Variants in SGPL1 observed in about 807,000 individuals in gnomAD.
SGPL1 encodes SP-lyase 1.
A neutral mutation model predicts 68.9 loss-of-function variants in SGPL1; 37 were observed. The observed-to-expected ratio is 0.54, with a 90% CI of 0.41 to 0.71. The LOEUF (loss-of-function observed/expected upper bound fraction) is 0.71, where lower values mean the gene tolerates loss of function less well. Among genes scored for constraint, SGPL1 ranks in the 30% least tolerant of loss-of-function variants. The pLI is 0.00. For synonymous variants in SGPL1, 236 were observed against 248.5 expected, an observed-to-expected ratio of 0.95 and a Z score of 0.47; for missense variants, 551 against 704.6, an observed-to-expected ratio of 0.78 and a Z score of 2.47.
Position 70,847,986 on chromosome 10 carries a change from T to A in SGPL1, c.194-3157T>A, listed in dbSNP as rs114673400. On this transcript the variant is annotated intron_variant, in intron 3 of 14. Transcript: ENST00000373202. ...AAGTGGGCAGCGGCATGAACTGTGC[T>A]GGGGTTAGCAGCCTCTTCCTTAATT... Among the ~76,000 whole-genome samples the A allele has an allele frequency of 5.0e-3, 764 of 152,334 alleles. 5 individuals carry two copies. The highest frequency in any genetic ancestry group is 0.016 in the African/African-American group (685 of 41,576).
chr10:70,871,126 C>G lies in SGPL1; in HGVS notation c.889C>G (p.Pro297Ala). 6.2e-7 allele frequency: 1 copy of G among 1,613,014 alleles called. No individual in the cohort carries two copies. ...ACAGTTTCCTCATGGTGTAATAGATCCTGTCCCTGAAGTGGCCAAGGTATA... is the reference window on the plus strand; with the variant it reads ...ACAGTTTCCTCATGGTGTAATAGATGCTGTCCCTGAAGTGGCCAAGGTATA... Reference protein sequence around the residue: ...TPQFPHGVIDPVPEVAKLAVK... With the variant: ...TPQFPHGVIDAVPEVAKLAVK... The change falls in exon 10 of 15, where the codon CCT becomes GCT. Residue 297 changes from proline (P) to alanine (A), a missense_variant. Pro to Ala is a conservative substitution (Grantham distance 27). Transcript: ENST00000373202.
At chr10:70,820,580 GC>G (rs1845320547) in intron 2 of SGPL1, 1 of 152,116 alleles carries the variant, frequency 6.6e-6, no homozygotes, top group African/African-American at 2.4e-5. Context: ...TTCTAGACCA[GC>G]CTGGTCAACA....
intron 2 of SGPL1, among the ~76,000 whole-genome samples, chr10:70,819,013 A>G (rs1359115815): frequency 6.6e-6 from 1 of 152,194 alleles, no homozygotes; most frequent in East Asian, 1.9e-4. Context: ...AGCAATTGAC[A>G]GTTTCTGTTT....
Position 70,873,521 on chromosome 10 carries a change from CT to C in SGPL1, c.1232del (p.Phe411SerfsTer56). On this transcript the variant is annotated frameshift_variant, in exon 12 of 15. Transcript: ENST00000373202. LOFTEE classifies it high-confidence loss of function. The stretch of plus-strand genomic sequence containing the variant: ...CAGCCTGTTGGGCTGCCTTGATGCA[CT>C]TCGGTGAGAACGGCTATGTTGAAGC... ...SAACWAALMH[F>X]GENGYVEATK... 2.5e-6 allele frequency: 4 copies of C among 1,614,256 alleles called. No individual in the cohort carries two copies. The highest frequency in any genetic ancestry group is 3.4e-6 in the Non-Finnish European group (4 of 1,180,040).
intron 2 of SGPL1, among the ~76,000 whole-genome samples, chr10:70,829,025 C>T (rs1845487685): frequency 6.6e-6 from 1 of 152,168 alleles, no homozygotes; most frequent in Non-Finnish European, 1.5e-5. Flanking sequence ...TGCTCCCTGT[C>T]TGGCTGTGTT....
At chr10:70,844,033 A>G (rs1845755055) in intron 2 of SGPL1, among the ~76,000 whole-genome samples, 1 of 152,192 alleles carries the variant, frequency 6.6e-6, no homozygotes, top group African/African-American at 2.4e-5. Context: ...AAAATATAAA[A>G]TAATTTAGTA....
At chr10:70,871,348 ATAG>A (rs1239049801) in intron 10 of SGPL1, among the ~76,000 whole-genome samples, 4 of 152,224 alleles carry the variant, frequency 2.6e-5, no homozygotes, top group African/African-American at 9.6e-5. Flanking sequence ...GTGGGGGAAG[ATAG>A]TACAAGGCTG....
chr10:70,824,948 A>T (rs1845404718), intron 2 of SGPL1, among the ~76,000 whole-genome samples: 1 of 147,156 alleles, frequency 6.8e-6, no homozygotes, highest in African/African-American at 2.5e-5. Flanking sequence ...CATGTTGGTT[A>T]TTCTGACGTT....
chr10:70,875,513 G>A lies in SGPL1; in HGVS notation c.1410G>A (p.Lys470=). ...IYRLSNLMTA[K]GWNLNQLQFP... is the part of the protein sequence containing the mutation. ...GACTATCAAACCTGATGACTGCTAA[G>A]GGGTGGAACTTGAACCAGTTGCAGT... is the stretch of plus-strand genomic sequence containing the variant. Residue 470 remains lysine, a synonymous_variant, in exon 13 of 15, where the codon AAG becomes AAA. Coordinates refer to ENST00000373202, the MANE Select transcript of SGPL1 (RefSeq NM_003901.4). 6.2e-7 allele frequency: 1 copy of A among 1,613,072 alleles called. No individual in the cohort carries two copies. The highest frequency in any genetic ancestry group is 8.5e-7 in the Non-Finnish European group (1 of 1,179,330).
intron 2 of SGPL1, among the ~76,000 whole-genome samples, chr10:70,843,107 CT>C (rs1416281718): frequency 1.3e-5 from 2 of 152,156 alleles, no homozygotes; most frequent in African/African-American, 4.8e-5. Flanking sequence ...TTCTTTCATC[CT>C]TTTAACCAGC....
At chr10:70,854,609 C>A in intron 4 of SGPL1, 99 bp from the exon 5 acceptor site, 1 of 946,020 alleles carries the variant, frequency 1.1e-6, no homozygotes, top group East Asian at 2.5e-5. Context: ...GTTACTTGTG[C>A]GGTGCCTAGC....
intron 2 of SGPL1, among the ~76,000 whole-genome samples, chr10:70,826,136 G>C (rs959610102): frequency 6.6e-6 from 1 of 152,192 alleles, no homozygotes; most frequent in Non-Finnish European, 1.5e-5. Flanking sequence ...AGTGAGCCAA[G>C]GTCACACTAC....
intron 4 of SGPL1, among the ~76,000 whole-genome samples, 176 bp from the exon 5 acceptor site, chr10:70,854,532 G>T (rs1056241368): frequency 6.6e-6 from 1 of 152,114 alleles, no homozygotes; most frequent in Non-Finnish European, 1.5e-5. Flanking sequence ...AGAGGCTATT[G>T]TACATGCCAG....
chr10:70,877,052 A>T (rs1846402504), intron 14 of SGPL1, 143 bp from the exon 15 acceptor site: 1 of 731,786 alleles, frequency 1.4e-6, no homozygotes, highest in Non-Finnish European at 2.2e-6. Context: ...TTCTGATAGA[A>T]TGATGGGATG....
chr10:70,869,436 T>G (rs2131938215), intron 8 of SGPL1: 1 of 158,454 alleles, frequency 6.3e-6, no homozygotes, highest in South Asian at 1.9e-4. Context: ...TGCCTGTCTT[T>G]GGTAGGCAAC....
chr10:70,833,890 G>A (rs1247721560), intron 2 of SGPL1, among the ~76,000 whole-genome samples: 2 of 152,236 alleles, frequency 1.3e-5, no homozygotes, highest in African/African-American at 4.8e-5. Flanking sequence ...AACAAATTCT[G>A]TCTTCTTTGC....
At chr10:70,829,803 T>C (rs1227963689) in intron 2 of SGPL1, among the ~76,000 whole-genome samples, 2 of 152,012 alleles carry the variant, frequency 1.3e-5, no homozygotes, top group Admixed American at 1.3e-4. Context: ...TCCGCAAGAG[T>C]AGTGGTGAGG....
At chr10:70,823,519 G>A (rs1845378279) in intron 2 of SGPL1, among the ~76,000 whole-genome samples, 1 of 146,420 alleles carries the variant, frequency 6.8e-6, no homozygotes, top group Non-Finnish European at 1.5e-5. Context: ...CAAGGCACTA[G>A]GCCACGAACC....
chr10:70,857,367 C>A, intron 5 of SGPL1: 2 of 404,480 alleles, frequency 4.9e-6, no homozygotes, highest in Non-Finnish European at 9.2e-6. Flanking sequence ...TATCAGATTG[C>A]CTTTATTGTA....
Sources: allele counts gnomAD v4.1 joint callset (sites outside exome capture counted in the v4.1 genomes callset), GRCh38; gene constraint gnomAD v4.1.1; transcripts MANE v1.5; gene names NCBI Gene and HGNC (gene_info 2026-07-23, HGNC 2026-07-21).